LRMDA: variants seen among roughly 807,000 people sequenced by gnomAD.
LRMDA encodes the protein leucine-rich melanocyte differentiation-associated protein.
In LRMDA, 18 loss-of-function variants were observed where a neutral mutation model predicts 29.8. That is an observed-to-expected ratio of 0.60 (90% confidence interval 0.42 to 0.90). The LOEUF (loss-of-function observed/expected upper bound fraction) is 0.90. Ranked by LOEUF, LRMDA falls within the 40% of genes least tolerant of loss-of-function variation. LRMDA has a pLI of 0.00. For synonymous variants in LRMDA, 125 were observed against 109.4 expected (o/e 1.14, Z -0.89); for missense variants, 273 against 273.9 (o/e 1.00, Z 0.02).
At position 75,904,721 on chromosome 10, in the gene LRMDA, C is replaced by T. The variant is rs78769859; in HGVS notation, c.132-131287C>T. Among the ~76,000 whole-genome samples the T allele has an allele frequency of 1.6e-3, 251 of 152,228 alleles. 8 individuals carry two copies. In the East Asian group the frequency reaches 0.044, roughly 26 times the overall value. ...ATCAGCGCTCTTTGCGGCCTGAGAC[C>T]AAGTCAACATCAGCCCAAATTTTCA... On this transcript the variant is annotated intron_variant, in intron 2 of 6. Transcript: ENST00000611255.
At chr10:75,741,329 G>A (rs1842826745) in intron 2 of LRMDA, among the ~76,000 whole-genome samples, 1 of 151,998 alleles carries the variant, frequency 6.6e-6, no homozygotes, top group Non-Finnish European at 1.5e-5. Context: ...CAGACCACAT[G>A]CCCGCCTCCA....
chr10:76,527,049 CAAAAAA>C (rs34187065), intron 6 of LRMDA, among the ~76,000 whole-genome samples: 1 of 105,520 alleles, frequency 9.5e-6, no homozygotes, highest in African/African-American at 3.4e-5. Context: ...TCAGGTCTGA[CAAAAAA>C]AAAAAAAAAA....
intron 2 of LRMDA, among the ~76,000 whole-genome samples, chr10:75,823,137 C>G (rs112374982): frequency 1.1e-4 from 16 of 152,072 alleles, no homozygotes; most frequent in Non-Finnish European, 1.8e-4. Flanking sequence ...AACCAAAAAG[C>G]TTATGCACAG....
chr10:76,164,823 TAAAA>T (rs1326864868), intron 5 of LRMDA, among the ~76,000 whole-genome samples: 1 of 152,216 alleles, frequency 6.6e-6, no homozygotes, highest in Admixed American at 6.5e-5. Context: ...TTTCCAGCTG[TAAAA>T]TTGGAGGCAC....
At chr10:76,346,684 A>T (rs571469228) in intron 6 of LRMDA, 1 of 152,282 alleles carries the variant, frequency 6.6e-6, no homozygotes, top group East Asian at 1.9e-4. Context: ...TATGTTTGTG[A>T]TCTCATTTAA....
intron 2 of LRMDA, among the ~76,000 whole-genome samples, chr10:75,780,718 C>T (rs369023013): frequency 4.6e-5 from 7 of 152,310 alleles, no homozygotes; most frequent in African/African-American, 1.4e-4. Flanking sequence ...TTGCCCCTCA[C>T]TGGGCAGCTG....
chr10:75,656,232 A>G (rs954008991), intron 2 of LRMDA, among the ~76,000 whole-genome samples: 2 of 152,232 alleles, frequency 1.3e-5, no homozygotes, highest in East Asian at 1.9e-4. Flanking sequence ...GGAGATTAGC[A>G]GAGTAGGTAG....
At chr10:75,556,488 G>A (rs769352900) in intron 2 of LRMDA, among the ~76,000 whole-genome samples, 32 of 152,254 alleles carry the variant, frequency 2.1e-4, no homozygotes, top group African/African-American at 7.0e-4. Context: ...TCACATCTGC[G>A]TGCCAGGAAC....
At chr10:75,848,485 G>A (rs1844678584) in intron 2 of LRMDA, among the ~76,000 whole-genome samples, 1 of 152,150 alleles carries the variant, frequency 6.6e-6, no homozygotes, top group Admixed American at 6.6e-5. Flanking sequence ...TGTTCAACAG[G>A]CCTGTAAACA....
At chr10:75,923,823 TC>T (rs1846069420) in intron 2 of LRMDA, among the ~76,000 whole-genome samples, 1 of 152,050 alleles carries the variant, frequency 6.6e-6, no homozygotes. Flanking sequence ...TTTGCACCCC[TC>T]CCTTACCCCC....
intron 5 of LRMDA, among the ~76,000 whole-genome samples, chr10:76,124,845 C>T (rs773396613): frequency 2.6e-5 from 4 of 152,232 alleles, no homozygotes; most frequent in African/African-American, 4.8e-5. Flanking sequence ...ATCTCACCAA[C>T]CATCTGCAGA....
At chr10:76,296,434 C>G (rs1303372938) in intron 5 of LRMDA, among the ~76,000 whole-genome samples, 1 of 152,190 alleles carries the variant, frequency 6.6e-6, no homozygotes, top group African/African-American at 2.4e-5. Context: ...AAAATGATCT[C>G]TGGTTTAGAG....
At chr10:76,268,820 C>A (rs190235081) in intron 5 of LRMDA, among the ~76,000 whole-genome samples, 1 of 152,186 alleles carries the variant, frequency 6.6e-6, no homozygotes, top group African/African-American at 2.4e-5. Flanking sequence ...CTCTCTACCC[C>A]CATTTGAGAC....
At chr10:75,537,351 C>T (rs1327703475) in intron 2 of LRMDA, among the ~76,000 whole-genome samples, 1 of 152,134 alleles carries the variant, frequency 6.6e-6, no homozygotes, top group South Asian at 2.1e-4. Flanking sequence ...CTTGGTACTT[C>T]TGGGTTTAAG....
At chr10:76,304,212 G>C (rs1840520673) in intron 5 of LRMDA, among the ~76,000 whole-genome samples, 1 of 152,150 alleles carries the variant, frequency 6.6e-6, no homozygotes, top group Non-Finnish European at 1.5e-5. Flanking sequence ...AGCCAAGCAG[G>C]TGCTACCTTA....
chr10:75,764,306 A>G (rs1278372241), intron 2 of LRMDA, among the ~76,000 whole-genome samples: 1 of 152,210 alleles, frequency 6.6e-6, no homozygotes, highest in Non-Finnish European at 1.5e-5. Context: ...GACTAGGGGA[A>G]AATGGCATTT....
At chr10:76,519,223 TAAAA>T (rs1318384466) in intron 6 of LRMDA, among the ~76,000 whole-genome samples, 5 of 151,866 alleles carry the variant, frequency 3.3e-5, no homozygotes, top group Non-Finnish European at 5.9e-5. Context: ...ACATGGCTCA[TAAAA>T]AATAATGGAA....
chr10:75,626,443 C>G (rs1589139028), intron 2 of LRMDA, among the ~76,000 whole-genome samples: 1 of 152,062 alleles, frequency 6.6e-6, no homozygotes, highest in African/African-American at 2.4e-5. Flanking sequence ...GGGGTGGAAC[C>G]AGGAAAGGGA....
intron 6 of LRMDA, among the ~76,000 whole-genome samples, chr10:76,424,777 C>T (rs540390502): frequency 6.6e-6 from 1 of 152,254 alleles, no homozygotes; most frequent in East Asian, 1.9e-4. Context: ...GATTTTCAAC[C>T]CAGTTTGTTG....
Sources: gnomAD v4.1 joint callset for allele counts (sites outside exome capture counted in the v4.1 genomes callset) on GRCh38, gnomAD v4.1.1 for gene constraint, MANE v1.5 for transcripts, NCBI Gene and HGNC (gene_info 2026-07-23, HGNC 2026-07-21) for gene names.